The following PDPK1 variants were observed in gnomAD, a reference collection of about 807,000 sequenced individuals.
PDPK1 encodes the protein 3-phosphoinositide dependent protein kinase 1.
Under a neutral mutation model 39.8 loss-of-function variants are expected in PDPK1, and 7 were observed. That is an observed-to-expected ratio of 0.18 (90% CI 0.10 to 0.33). The LOEUF (loss-of-function observed/expected upper bound fraction) is 0.33. PDPK1 is among the 10% of genes least tolerant of loss of function. PDPK1 has a pLI of 1.00. For synonymous variants in PDPK1, 118 were observed against 159.1 expected (o/e 0.74, Z 1.95); for missense variants, 182 against 384.7 (o/e 0.47, Z 4.41).
At chr16:2,540,263 G>C (rs1326631083) in intron 1 of PDPK1, among the ~76,000 whole-genome samples, 2 of 152,218 alleles carry the variant, frequency 1.3e-5, no homozygotes, top group African/African-American at 4.8e-5. Flanking sequence ...GGAGCAGTGC[G>C]AGCGTGAAGG....
intron 1 of PDPK1, among the ~76,000 whole-genome samples, chr16:2,541,315 A>AG (rs2066240935): frequency 6.6e-6 from 1 of 152,168 alleles, no homozygotes; most frequent in Non-Finnish European, 1.5e-5. Flanking sequence ...CGCCTGACCC[A>AG]GGGTTTAGAT....
intron 10 of PDPK1, among the ~76,000 whole-genome samples, chr16:2,584,877 C>T (rs1036452210): frequency 2.6e-5 from 4 of 152,208 alleles, no homozygotes; most frequent in African/African-American, 7.2e-5. Context: ...CTGGGAGCCT[C>T]GAGGCCCTTG....
At chr16:2,542,180 G>A (rs374515582) in intron 1 of PDPK1, among the ~76,000 whole-genome samples, 2 of 152,232 alleles carry the variant, frequency 1.3e-5, no homozygotes, top group Non-Finnish European at 2.9e-5. Flanking sequence ...TTATTTTTTC[G>A]AGACAGTCTC....
intron 11 of PDPK1, among the ~76,000 whole-genome samples, chr16:2,588,416 T>C (rs1031161732): frequency 6.6e-6 from 1 of 152,152 alleles, no homozygotes; most frequent in Non-Finnish European, 1.5e-5. Flanking sequence ...AGGGCTGCTG[T>C]GGCCACTCCA....
chr16:2,589,305 C>T (rs2066941137), intron 11 of PDPK1, among the ~76,000 whole-genome samples: 1 of 152,020 alleles, frequency 6.6e-6, no homozygotes, highest in South Asian at 2.1e-4. Flanking sequence ...TGAGCTCTTA[C>T]TATCTCTTCA....
intron 1 of PDPK1, among the ~76,000 whole-genome samples, chr16:2,540,579 C>T (rs979300745): frequency 1.3e-5 from 2 of 152,172 alleles, no homozygotes; most frequent in Admixed American, 6.5e-5. Context: ...AGGATGTCTT[C>T]CCAGGGATTG....
intron 10 of PDPK1, among the ~76,000 whole-genome samples, chr16:2,585,527 G>C (rs1597058983): frequency 1.3e-5 from 2 of 152,370 alleles, no homozygotes; most frequent in East Asian, 3.9e-4. Flanking sequence ...CTTGGGCCAA[G>C]GCAGGAGAGC....
intron 12 of PDPK1, among the ~76,000 whole-genome samples, chr16:2,596,337 G>A (rs943591638): frequency 7.2e-5 from 11 of 152,232 alleles, no homozygotes; most frequent in African/African-American, 2.6e-4. Context: ...GACCACAGGC[G>A]CCCGCCACCA....
intron 11 of PDPK1, among the ~76,000 whole-genome samples, chr16:2,587,304 T>C (rs563688597): frequency 4.3e-4 from 66 of 152,240 alleles, no homozygotes; most frequent in African/African-American, 1.6e-3. Context: ...GGCGTGCGTG[T>C]TTTCAGGGCT....
At chr16:2,546,495 G>T (rs1246337313) in intron 1 of PDPK1, among the ~76,000 whole-genome samples, 2 of 152,206 alleles carry the variant, frequency 1.3e-5, no homozygotes, top group South Asian at 2.1e-4. Flanking sequence ...CACCATGCTG[G>T]GCTAATTTGT....
chr16:2,589,696 G>GAAAAAAA (rs530064221), intron 11 of PDPK1, among the ~76,000 whole-genome samples: 7 of 74,622 alleles, frequency 9.4e-5, no homozygotes, highest in Non-Finnish European at 1.5e-4. Flanking sequence ...CTCAAAATTG[G>GAAAAAAA]AAAAAAAAAA....
At chr16:2,547,563 C>T (rs2066373521) in intron 1 of PDPK1, among the ~76,000 whole-genome samples, 1 of 28,486 alleles carries the variant, frequency 3.5e-5, no homozygotes. Flanking sequence ...GTTCTCATTC[C>T]GTAAAAAGTC....
At chr16:2,595,726 G>A (rs1597076521) in intron 11 of PDPK1, 67 bp from the exon 12 acceptor site, 1 of 1,268,268 alleles carries the variant, frequency 7.9e-7, no homozygotes, top group East Asian at 2.3e-5. Context: ...TCGTGTGGCA[G>A]GAGGAGCGTG....
At chr16:2,546,674 C>T (rs1210255748) in intron 1 of PDPK1, among the ~76,000 whole-genome samples, 1 of 152,198 alleles carries the variant, frequency 6.6e-6, no homozygotes, top group Non-Finnish European at 1.5e-5. Context: ...TCCTTCCTGA[C>T]AGCGGGGCCC....
chr16:2,558,473 T>G (rs1320419139), intron 2 of PDPK1, among the ~76,000 whole-genome samples: 1 of 150,760 alleles, frequency 6.6e-6, no homozygotes, highest in African/African-American at 2.5e-5. Context: ...CAGAGTCTTG[T>G]GTTCCGAGTT....
rs1014367839 is a variant in PDPK1, at chr16:2,602,039, C to A, written c.*4272C>A. Reference sequence around the variant, plus strand: ...TTCTTGCCCTCTGAAGCCTGAGGGCCCCCCCTTGCCTGGCTGGTTGACAGA... The same window carrying A: ...TTCTTGCCCTCTGAAGCCTGAGGGCACCCCCTTGCCTGGCTGGTTGACAGA... On this transcript the variant is annotated 3_prime_UTR_variant, in exon 14 of 14. Coordinates refer to ENST00000342085, the MANE Select transcript of PDPK1 (RefSeq NM_002613.5). 2.1e-5 allele frequency: 5 copies of A among 234,200 alleles called. No homozygotes were observed. Among genetic ancestry groups the A allele is most frequent in the Non-Finnish European group, 3.4e-5 (4 of 117,840 alleles). The allele number at this position is 234,200 out of a possible 1,614,324, so 14.5% of individuals were successfully genotyped here. A position where few individuals can be genotyped will look rare whatever the true frequency, so the allele number is the denominator to read the frequency against.
At chr16:2,560,949 G>A (rs981232889) in intron 2 of PDPK1, among the ~76,000 whole-genome samples, 1 of 151,514 alleles carries the variant, frequency 6.6e-6, no homozygotes, top group African/African-American at 2.4e-5. Flanking sequence ...GGGCACGCAG[G>A]GCCATGCATT....
chr16:2,601,131 C>T lies in PDPK1; in HGVS notation c.*3364C>T, dbSNP rs1475303398. ...TCTTACTTTTTTCCCCCTTAGATGC[C>T]TGGAAGTGGTATTTTGAGGTGAAAG... is the stretch of plus-strand genomic sequence containing the variant. On this transcript the variant is annotated 3_prime_UTR_variant, in exon 14 of 14. Coordinates refer to ENST00000342085, the MANE Select transcript of PDPK1 (RefSeq NM_002613.5). The T allele has an allele frequency of 4.3e-6, 1 of 232,792 alleles. No individual in the cohort carries two copies. Among genetic ancestry groups the T allele is most frequent in the Non-Finnish European group, 8.5e-6 (1 of 117,918 alleles). The allele number at this position is 232,792 out of a possible 1,614,324, so 14.4% of individuals were successfully genotyped here. A position where few individuals can be genotyped will look rare whatever the true frequency, so the allele number is the denominator to read the frequency against.
intron 1 of PDPK1, among the ~76,000 whole-genome samples, chr16:2,545,215 T>C (rs2066319216): frequency 6.6e-6 from 1 of 151,994 alleles, no homozygotes; most frequent in Non-Finnish European, 1.5e-5. Context: ...TTTTTGCATT[T>C]TTAGTAGAGG....
Sources: allele counts gnomAD v4.1 joint callset (sites outside exome capture counted in the v4.1 genomes callset), GRCh38; gene constraint gnomAD v4.1.1; transcripts MANE v1.5; gene names NCBI Gene and HGNC (gene_info 2026-07-23, HGNC 2026-07-21).